The following KCNQ5 variants were observed in gnomAD, a reference collection of about 807,000 sequenced individuals.
The protein encoded by KCNQ5 is potassium voltage-gated channel subfamily KQT member 5.
In KCNQ5, 30 loss-of-function variants were observed where a neutral mutation model predicts 98.2. The ratio of observed to expected loss-of-function variants is 0.31; its 90% CI spans 0.23 to 0.41. KCNQ5 has a LOEUF of 0.41. Ranked by LOEUF, KCNQ5 falls within the 10% of genes least tolerant of loss-of-function variation. The probability of loss-of-function intolerance (pLI) is 1.00; values close to 1 mark genes in which losing one functional copy is unlikely to be tolerated. For synonymous variants in KCNQ5, 458 were observed against 449.4 expected (o/e 1.02, Z -0.24); for missense variants, 835 against 1,182.5 (o/e 0.71, Z 4.31).
chr6:72,732,957 T>G (rs531068553), intron 1 of KCNQ5, among the ~76,000 whole-genome samples: 3 of 152,286 alleles, frequency 2.0e-5, no homozygotes, highest in Non-Finnish European at 4.4e-5. Flanking sequence ...CCTGGACAAC[T>G]ATGTGAAAAG....
intron 10 of KCNQ5, among the ~76,000 whole-genome samples, chr6:73,160,175 G>A (rs1034105155): frequency 1.9e-4 from 29 of 149,066 alleles, no homozygotes; most frequent in African/African-American, 6.3e-4. Context: ...CACGACGCCC[G>A]GCTGTTTTTT....
chr6:72,778,761 G>A (rs905474447), intron 1 of KCNQ5, among the ~76,000 whole-genome samples: 13 of 151,848 alleles, frequency 8.6e-5, no homozygotes, highest in Non-Finnish European at 7.4e-5. Context: ...TAAAACTGGA[G>A]AAAAAAATTT....
chr6:72,805,581 A>T (rs1046217814), intron 1 of KCNQ5, among the ~76,000 whole-genome samples: 1 of 152,104 alleles, frequency 6.6e-6, no homozygotes, highest in Non-Finnish European at 1.5e-5. Flanking sequence ...CCTCTGTGGT[A>T]CAATTTGAAG....
At chr6:72,949,627 A>C (rs1358367508) in intron 1 of KCNQ5, among the ~76,000 whole-genome samples, 2 of 152,232 alleles carry the variant, frequency 1.3e-5, no homozygotes, top group Admixed American at 6.5e-5. Flanking sequence ...CATGTACTTC[A>C]AGCCAATATT....
chr6:73,013,012 G>C lies in KCNQ5; in HGVS notation c.489+9014G>C, dbSNP rs556804396. ...ATCATGGGATCTTCCATGTTTAATG[G>C]AGACCTCATAGGGACACAAGTACAG... On this transcript the variant is annotated intron_variant, in intron 2 of 13. Coordinates refer to ENST00000370398, the MANE Select transcript of KCNQ5 (RefSeq NM_019842.4). Among the ~76,000 whole-genome samples, 3 of 152,122 alleles carry C rather than the reference G, an allele frequency of 2.0e-5. No individual in the cohort carries two copies. In the East Asian group the frequency reaches 5.8e-4, roughly 29 times the overall value.
rs188066740 is a variant in KCNQ5 at position 73,120,012 on chromosome 6, C to T, written c.1126-471C>T. Among the ~76,000 whole-genome samples, 850 of 150,580 alleles carry T rather than the reference C, an allele frequency of 5.6e-3. 13 individuals carry two copies. The highest frequency in any genetic ancestry group is 0.013 in the Admixed American group (189 of 15,000). ...CAGCACTTTGGGAGGCCAAGGCAGG[C>T]GGATCACTTGAGGTCAGGAATTTGA... On this transcript the variant is annotated intron_variant, in intron 7 of 13. Transcript: ENST00000370398.
chr6:72,857,975 A>G (rs547941225), intron 1 of KCNQ5, among the ~76,000 whole-genome samples: 1 of 152,342 alleles, frequency 6.6e-6, no homozygotes, highest in East Asian at 1.9e-4. Flanking sequence ...TCTGCCTCAT[A>G]GAACTTGCAT....
At chr6:72,855,715 C>G (rs1005745943) in intron 1 of KCNQ5, among the ~76,000 whole-genome samples, 4 of 152,142 alleles carry the variant, frequency 2.6e-5, no homozygotes, top group Non-Finnish European at 4.4e-5. Context: ...GTCTATGAGT[C>G]AGAAGCATAT....
intron 7 of KCNQ5, among the ~76,000 whole-genome samples, chr6:73,113,423 A>G (rs148178780): frequency 6.6e-6 from 1 of 152,334 alleles, no homozygotes; most frequent in Non-Finnish European, 1.5e-5. Flanking sequence ...TGCACATATC[A>G]ATTGTGATGA....
chr6:72,919,971 A>G (rs952426806), intron 1 of KCNQ5, among the ~76,000 whole-genome samples: 1 of 152,070 alleles, frequency 6.6e-6, no homozygotes, highest in African/African-American at 2.4e-5. Context: ...TGCTCACCAA[A>G]AGTGTCTTGC....
intron 1 of KCNQ5, among the ~76,000 whole-genome samples, chr6:72,707,995 A>G (rs963162007): frequency 6.6e-6 from 1 of 152,180 alleles, no homozygotes; most frequent in Non-Finnish European, 1.5e-5. Context: ...GAATGTCTTG[A>G]TGAAATCTGA....
chr6:73,062,099 T>C (rs999266476), intron 3 of KCNQ5, among the ~76,000 whole-genome samples: 66 of 152,222 alleles, frequency 4.3e-4, no homozygotes, highest in Non-Finnish European at 2.9e-5. Flanking sequence ...TTAGATATAA[T>C]AAGTAATTTC....
chr6:72,669,431 C>CTTTGCCTTG (rs1317034848), intron 1 of KCNQ5, among the ~76,000 whole-genome samples: 3 of 152,172 alleles, frequency 2.0e-5, no homozygotes, highest in Non-Finnish European at 4.4e-5. Context: ...GAATAATCCT[C>CTTTGCCTTG]ATTGACTTTC....
chr6:72,872,409 T>A (rs1581934830), intron 1 of KCNQ5, among the ~76,000 whole-genome samples: 1 of 152,226 alleles, frequency 6.6e-6, no homozygotes, highest in African/African-American at 2.4e-5. Context: ...GAGGACGTGG[T>A]TTGTCTTGTG....
chr6:72,981,089 A>G (rs1029456200), intron 1 of KCNQ5, among the ~76,000 whole-genome samples: 4 of 151,914 alleles, frequency 2.6e-5, no homozygotes, highest in African/African-American at 9.7e-5. Context: ...TTTCTCATCG[A>G]TATTCCTCGG....
chr6:72,826,953 G>T (rs1474832447), intron 1 of KCNQ5, among the ~76,000 whole-genome samples: 1 of 151,974 alleles, frequency 6.6e-6, no homozygotes, highest in Non-Finnish European at 1.5e-5. Flanking sequence ...TTTAGCTTCT[G>T]CACATGGGTG....
Position 73,124,429 on chromosome 6 carries a change from C to T in KCNQ5, c.1221-57C>T, listed in dbSNP as rs116725972. 336 of 1,562,732 alleles carry T rather than the reference C, an allele frequency of 2.2e-4. No individual in the cohort carries two copies. The African/African-American group carries it at 3.4e-3, about 16-fold the overall frequency. On this transcript the variant is annotated intron_variant, in intron 8 of 13. Coordinates refer to ENST00000370398, the MANE Select transcript of KCNQ5 (RefSeq NM_019842.4). The stretch of plus-strand genomic sequence containing the variant: ...TCTCCAATTTGGCCATTATCAAGTG[C>T]TATAAATATATTCACTGGTTTATCA...
At chr6:72,868,913 G>T (rs1665378365) in intron 1 of KCNQ5, among the ~76,000 whole-genome samples, 1 of 152,018 alleles carries the variant, frequency 6.6e-6, no homozygotes, top group South Asian at 2.1e-4. Flanking sequence ...AATGAATAAG[G>T]TCTAGTATTT....
rs572647819 is a variant in KCNQ5, at chr6:73,163,652, G to A, written c.1469-6094G>A. ...AATCCCAGCTACTTGGGAAGCTGAG[G>A]CAGAAGAATCGCTTGAACCCGGGGG... is the stretch of plus-strand genomic sequence containing the variant. On this transcript the variant is annotated intron_variant, in intron 10 of 13. Coordinates refer to ENST00000370398, the MANE Select transcript of KCNQ5 (RefSeq NM_019842.4). Among the ~76,000 whole-genome samples the A allele has an allele frequency of 2.6e-5, 4 of 152,302 alleles. No individual in the cohort carries two copies. In the East Asian group the frequency reaches 7.7e-4, roughly 29 times the overall value.
Sources: allele counts gnomAD v4.1 joint callset (sites outside exome capture counted in the v4.1 genomes callset), GRCh38; gene constraint gnomAD v4.1.1; transcripts MANE v1.5; gene names NCBI Gene and HGNC (gene_info 2026-07-23, HGNC 2026-07-21).